FRS2: variants seen among roughly 807,000 people sequenced by gnomAD.
FRS2 encodes fibroblast growth factor receptor substrate 2, also known as FGFR signalling adaptor.
Under a neutral mutation model 43.9 loss-of-function variants are expected in FRS2, and 8 were observed. The ratio of observed to expected loss-of-function variants is 0.18; its 90% confidence interval spans 0.11 to 0.33. The LOEUF (loss-of-function observed/expected upper bound fraction) is 0.33. FRS2 is among the 10% of genes least tolerant of loss of function. The probability of loss-of-function intolerance (pLI) is 1.00; values close to 1 mark genes in which losing one functional copy is unlikely to be tolerated. For missense variants in FRS2, 534 were observed against 627.6 expected (o/e 0.85, Z 1.59); for synonymous variants, 219 against 220.3 (o/e 0.99, Z 0.05).
chr12:69,562,339 A>T, intron 4 of FRS2, 65 bp downstream of exon 4: 1 of 397,192 alleles, frequency 2.5e-6, no homozygotes, highest in Non-Finnish European at 4.4e-6. Flanking sequence ...TTTTATTTTT[A>T]TTTTAAATAC....
At chr12:69,485,514 CT>C (rs1343302164) in intron 1 of FRS2, among the ~76,000 whole-genome samples, 1 of 149,110 alleles carries the variant, frequency 6.7e-6, no homozygotes, top group Non-Finnish European at 1.5e-5. Context: ...TGGAGTCTTG[CT>C]CTTGTCACCC....
rs759737801 is a variant in FRS2 at position 69,575,517 on chromosome 12, G to A, written c.*562G>A. On this transcript the variant is annotated 3_prime_UTR_variant, in exon 9 of 9. Coordinates refer to ENST00000549921, the MANE Select transcript of FRS2 (RefSeq NM_001278356.2). ...ACACCAGTCAGCTCCTTTGCCTTCAGTGTTACTAGAAAGCGGCCTGTGTCC... is the reference window on the plus strand; with the variant it reads ...ACACCAGTCAGCTCCTTTGCCTTCAATGTTACTAGAAAGCGGCCTGTGTCC... 1 of 152,784 alleles carries A rather than the reference G, an allele frequency of 6.5e-6. No individual in the cohort carries two copies. Among genetic ancestry groups the A allele is most frequent in the African/African-American group, 2.4e-5 (1 of 41,446 alleles). The allele number at this position is 152,784 out of a possible 1,614,324, so 9.5% of individuals were successfully genotyped here.
chr12:69,501,992 G>T (rs1178990399), intron 1 of FRS2, among the ~76,000 whole-genome samples: 2 of 151,720 alleles, frequency 1.3e-5, no homozygotes, highest in Non-Finnish European at 2.9e-5. Context: ...GTGAGATGGA[G>T]CCTCCCTCTG....
chr12:69,568,804 G>A (rs946540687), intron 4 of FRS2, among the ~76,000 whole-genome samples: 1 of 151,930 alleles, frequency 6.6e-6, no homozygotes, highest in African/African-American at 2.4e-5. Context: ...CATTATTAAT[G>A]CCTCACAAAA....
At chr12:69,479,459 G>A (rs934010238) in intron 1 of FRS2, among the ~76,000 whole-genome samples, 2 of 146,680 alleles carry the variant, frequency 1.4e-5, no homozygotes, top group African/African-American at 2.5e-5. Context: ...GTGCAGTGGC[G>A]CGATCTCAGC....
chr12:69,543,500 G>A (rs1002234802), intron 3 of FRS2, among the ~76,000 whole-genome samples: 7 of 152,162 alleles, frequency 4.6e-5, no homozygotes, highest in Non-Finnish European at 7.3e-5. Flanking sequence ...GGAGTGAAGA[G>A]CTAGGGAATA....
In FRS2 at chr12:69,576,441, A is replaced by G. The variant is rs1282778347; in HGVS notation, c.*1486A>G. 1 of 152,212 alleles carries G rather than the reference A, an allele frequency of 6.6e-6. No individual in the cohort carries two copies. Among genetic ancestry groups the G allele is most frequent in the Non-Finnish European group, 1.5e-5 (1 of 68,032 alleles). 9.4% of individuals were successfully genotyped at this position (152,212 alleles called of 1,614,324 possible). A position where few individuals can be genotyped will look rare whatever the true frequency, so the allele number is the denominator to read the frequency against. ...CTCTTGGAAAATCAAAGATGTTCCAATTTCCTAAACACTAGAGAATACGAG... is the reference window on the plus strand; with the variant it reads ...CTCTTGGAAAATCAAAGATGTTCCAGTTTCCTAAACACTAGAGAATACGAG... On this transcript the variant is annotated 3_prime_UTR_variant, in exon 9 of 9. Coordinates refer to ENST00000549921, the MANE Select transcript of FRS2 (RefSeq NM_001278356.2).
chr12:69,537,169 C>G (rs1211614072), intron 3 of FRS2, among the ~76,000 whole-genome samples: 1 of 152,192 alleles, frequency 6.6e-6, no homozygotes, highest in African/African-American at 2.4e-5. Context: ...CAACCTGTAA[C>G]AGTGTTGTCT....
chr12:69,496,965 A>G (rs1171644174), intron 1 of FRS2, among the ~76,000 whole-genome samples: 2 of 152,254 alleles, frequency 1.3e-5, no homozygotes, highest in African/African-American at 2.4e-5. Context: ...TTCCAAATGT[A>G]TGAAAGAGGA....
intron 1 of FRS2, among the ~76,000 whole-genome samples, chr12:69,477,984 G>T (rs947569707): frequency 1.9e-4 from 29 of 151,384 alleles, no homozygotes; most frequent in African/African-American, 7.0e-4. Context: ...CTTGTGATCC[G>T]CCCACCTCGG....
intron 6 of FRS2, among the ~76,000 whole-genome samples, chr12:69,570,994 C>A (rs1316336971): frequency 6.6e-6 from 1 of 152,206 alleles, no homozygotes; most frequent in East Asian, 1.9e-4. Context: ...TTGGGCTCCC[C>A]CTGCTGTTAA....
At chr12:69,504,585 T>C (rs1464289061) in intron 1 of FRS2, among the ~76,000 whole-genome samples, 6 of 152,188 alleles carry the variant, frequency 3.9e-5, no homozygotes, top group African/African-American at 1.4e-4. Context: ...ATAACATAAG[T>C]CTGCTATGTT....
intron 4 of FRS2, among the ~76,000 whole-genome samples, chr12:69,565,122 C>T (rs1880181299): frequency 6.6e-6 from 1 of 152,210 alleles, no homozygotes; most frequent in South Asian, 2.1e-4. Flanking sequence ...CCTATAGCTC[C>T]TACTCAACAA....
intron 3 of FRS2, among the ~76,000 whole-genome samples, chr12:69,550,254 T>C (rs1377499891): frequency 6.6e-6 from 1 of 152,230 alleles, no homozygotes; most frequent in Non-Finnish European, 1.5e-5. Flanking sequence ...TCAGGTGTTA[T>C]TAAGGCTAGC....
Position 69,579,230 on chromosome 12 carries a change from C to G in FRS2, c.*4275C>G, listed in dbSNP as rs1365552244. The G allele has an allele frequency of 1.3e-5, 2 of 152,574 alleles. No homozygotes were observed. Among genetic ancestry groups the G allele is most frequent in the Admixed American group, 1.3e-4 (2 of 15,268 alleles). The allele number at this position is 152,574 out of a possible 1,614,324, so 9.5% of individuals were successfully genotyped here. A position where few individuals can be genotyped will look rare whatever the true frequency, so the allele number is the denominator to read the frequency against. ...GAAGTGGGGATGGGACGATTGCCCT[C>G]TAGTTGTCCTTTGCATATGACTGTT... is the stretch of plus-strand genomic sequence containing the variant. On this transcript the variant is annotated 3_prime_UTR_variant, in exon 9 of 9. Transcript: ENST00000549921.
At chr12:69,530,672 G>A (rs956627157) in intron 1 of FRS2, among the ~76,000 whole-genome samples, 193 bp from the exon 2 acceptor site, 3 of 152,188 alleles carry the variant, frequency 2.0e-5, no homozygotes. Context: ...GAGCCCATGA[G>A]ATTGAGGCTG....
intron 3 of FRS2, among the ~76,000 whole-genome samples, chr12:69,557,465 G>T (rs1304071127): frequency 6.6e-6 from 1 of 152,144 alleles, no homozygotes; most frequent in Non-Finnish European, 1.5e-5. Context: ...TGAATTTTTA[G>T]TGGAGAGAGC....
Position 69,470,396 on chromosome 12 carries a change from G to C in FRS2, c.-395G>C, listed in dbSNP as rs562072692. The C allele has an allele frequency of 2.8e-5, 11 of 398,542 alleles. No homozygotes were observed. Among genetic ancestry groups the C allele is most frequent in the African/African-American group, 1.6e-4 (8 of 48,706 alleles). The allele number at this position is 398,542 out of a possible 1,614,324, so 24.7% of individuals were successfully genotyped here. ...CCCCGGAAGTGCTTTTCCAAGATTC[G>C]GGCCGGAGAGAGGCCTTGTAGGCAC... On this transcript the variant is annotated 5_prime_UTR_variant, in exon 1 of 9. Transcript: ENST00000549921.
At chr12:69,511,698 C>G (rs1332635519) in intron 1 of FRS2, among the ~76,000 whole-genome samples, 3 of 152,024 alleles carry the variant, frequency 2.0e-5, no homozygotes, top group African/African-American at 4.8e-5. Flanking sequence ...GTGTTAGGGC[C>G]CCCATTTCTT....
Sources: gnomAD v4.1 joint callset for allele counts (sites outside exome capture counted in the v4.1 genomes callset) on GRCh38, gnomAD v4.1.1 for gene constraint, MANE v1.5 for transcripts, NCBI Gene and HGNC (gene_info 2026-07-23, HGNC 2026-07-21) for gene names.